Variants in CAMKMT observed in about 807,000 individuals in gnomAD.
CAMKMT encodes CaM KMT.
In CAMKMT, 53 loss-of-function variants were observed where a neutral mutation model predicts 48.0. The ratio of observed to expected loss-of-function variants is 1.10; its 90% confidence interval spans 0.89 to 1.39. The LOEUF (loss-of-function observed/expected upper bound fraction) is 1.39, where lower values mean the gene tolerates loss of function less well. Among genes scored for constraint, CAMKMT ranks in the 40% most tolerant of loss-of-function variants. The pLI, the probability that CAMKMT is intolerant of heterozygous loss-of-function variation, is 0.00. For missense variants in CAMKMT, 428 were observed against 402.7 expected, an observed-to-expected ratio of 1.06 and a Z score of -0.54; for synonymous variants, 165 against 152.3, an observed-to-expected ratio of 1.08 and a Z score of -0.61.
At chr2:44,427,737 C>T (rs993869007) in intron 3 of CAMKMT, among the ~76,000 whole-genome samples, 1 of 152,138 alleles carries the variant, frequency 6.6e-6, no homozygotes, top group Non-Finnish European at 1.5e-5. Context: ...AAAACAGCTG[C>T]TACAAAATAT....
intron 3 of CAMKMT, among the ~76,000 whole-genome samples, chr2:44,579,287 T>C (rs1669410197): frequency 6.6e-6 from 1 of 152,124 alleles, no homozygotes; most frequent in South Asian, 2.1e-4. Context: ...ATTTTGCTCA[T>C]GTCAGGTATT....
rs770767281 is a variant in CAMKMT, at chr2:44,362,058, G to A, written c.51G>A (p.Ala17=). 18 of 1,440,350 alleles carry A rather than the reference G, an allele frequency of 1.2e-5. 1 individual carries two copies. Among genetic ancestry groups the A allele is most frequent in the African/African-American group, 1.1e-4 (7 of 66,178 alleles). The allele number at this position is 1,440,350 out of a possible 1,614,324, so 89.2% of individuals were successfully genotyped here. Residue 17 remains alanine, a synonymous_variant, in exon 1 of 11, where the codon GCG becomes GCA. Transcript: ENST00000378494. ...DAGTGETARA[A]GGSPAVGCTT... ...GGACCGGCGAGACCGCGCGAGCAGC[G>A]GGCGGGAGTCCGGCAGTTGGCTGCA...
intron 8 of CAMKMT, among the ~76,000 whole-genome samples, chr2:44,744,380 A>T (rs1679837154): frequency 6.6e-6 from 1 of 152,206 alleles, no homozygotes; most frequent in Admixed American, 6.5e-5. Flanking sequence ...TTATTTGTTA[A>T]TGAAAGTCTG....
intron 7 of CAMKMT, among the ~76,000 whole-genome samples, chr2:44,715,840 C>A (rs573920754): frequency 6.6e-6 from 1 of 152,218 alleles, no homozygotes; most frequent in South Asian, 2.1e-4. Context: ...CTTAGGACAC[C>A]CCCGTACAAC....
At chr2:44,704,876 C>T (rs138575689) in intron 4 of CAMKMT, among the ~76,000 whole-genome samples, 14 of 150,084 alleles carry the variant, frequency 9.3e-5, no homozygotes, top group Non-Finnish European at 1.5e-4. Context: ...ATTCATGCTA[C>T]GGAAATAAGT....
chr2:44,548,502 C>T (rs1472716876), intron 3 of CAMKMT, among the ~76,000 whole-genome samples: 2 of 152,174 alleles, frequency 1.3e-5, no homozygotes, highest in Admixed American at 6.5e-5. Flanking sequence ...CACACCCTCT[C>T]CCAGGTATTT....
At chr2:44,538,124 C>G (rs1474198044) in intron 3 of CAMKMT, among the ~76,000 whole-genome samples, 35 of 152,048 alleles carry the variant, frequency 2.3e-4, no homozygotes, top group Admixed American at 2.3e-3. Flanking sequence ...AATCCCAGCA[C>G]TTTGGGAGAC....
rs373654593 is a variant in CAMKMT at position 44,362,585 on chromosome 2, C to G, written c.138+440C>G. 8.5e-5 allele frequency among the ~76,000 whole-genome samples: 13 copies of G among 152,308 alleles called. No individual in the cohort carries two copies. The East Asian group carries it at 9.6e-4, about 11-fold the overall frequency. ...GCACCCTCTGGCCCCGTCTTTTGCCCAGCGTGGTTGACTATGCCGGGACTG... is the reference window on the plus strand; with the variant it reads ...GCACCCTCTGGCCCCGTCTTTTGCCGAGCGTGGTTGACTATGCCGGGACTG... On this transcript the variant is annotated intron_variant, in intron 1 of 10. Coordinates refer to ENST00000378494, the MANE Select transcript of CAMKMT (RefSeq NM_024766.5).
At chr2:44,638,674 G>A (rs1478734607) in intron 3 of CAMKMT, among the ~76,000 whole-genome samples, 2 of 152,164 alleles carry the variant, frequency 1.3e-5, no homozygotes, top group African/African-American at 4.8e-5. Flanking sequence ...AAATTACATG[G>A]TATTTTGGCC....
chr2:44,666,236 G>T (rs956442372), intron 3 of CAMKMT, among the ~76,000 whole-genome samples: 3 of 152,180 alleles, frequency 2.0e-5, no homozygotes, highest in African/African-American at 7.2e-5. Context: ...GAAAGTAGTG[G>T]TTCTGAGCAA....
intron 3 of CAMKMT, among the ~76,000 whole-genome samples, chr2:44,684,410 C>T (rs1159755752): frequency 5.9e-5 from 9 of 151,842 alleles, no homozygotes; most frequent in Admixed American, 2.0e-4. Flanking sequence ...AAACCTTTCT[C>T]GAGGAGTTGT....
At chr2:44,534,756 A>G (rs1268712263) in intron 3 of CAMKMT, among the ~76,000 whole-genome samples, 2 of 152,182 alleles carry the variant, frequency 1.3e-5, no homozygotes, top group African/African-American at 4.8e-5. Context: ...ATAGCATTCA[A>G]TGCCTACATC....
intron 3 of CAMKMT, among the ~76,000 whole-genome samples, chr2:44,490,124 T>C (rs1431806192): frequency 1.3e-5 from 2 of 152,194 alleles, no homozygotes; most frequent in Non-Finnish European, 2.9e-5. Context: ...CAAAAATCCT[T>C]TTCCACACAG....
At chr2:44,669,632 G>T (rs1299170190) in intron 3 of CAMKMT, among the ~76,000 whole-genome samples, 4 of 149,322 alleles carry the variant, frequency 2.7e-5, no homozygotes, top group African/African-American at 9.8e-5. Flanking sequence ...TCTCATTATG[G>T]TTTTTTTTTT....
chr2:44,501,040 T>A (rs1406216599), intron 3 of CAMKMT, among the ~76,000 whole-genome samples: 1 of 151,240 alleles, frequency 6.6e-6, no homozygotes, highest in Non-Finnish European at 1.5e-5. Flanking sequence ...TTTCTTAGCT[T>A]TTTTTTTAAC....
At chr2:44,364,847 G>C (rs1678423588) in intron 1 of CAMKMT, among the ~76,000 whole-genome samples, 2 of 152,220 alleles carry the variant, frequency 1.3e-5, no homozygotes, top group South Asian at 4.2e-4. Context: ...TCCTCATGGT[G>C]ATAGCAGAGG....
rs183618309 is a variant in CAMKMT, at chr2:44,624,130, A to G, written c.377-80153A>G. Among the ~76,000 whole-genome samples, 270 of 152,322 alleles carry G rather than the reference A, an allele frequency of 1.8e-3. 6 individuals are homozygous for G. Among genetic ancestry groups the G allele is most frequent in the Non-Finnish European group, 2.0e-3 (137 of 68,038 alleles). On this transcript the variant is annotated intron_variant, in intron 3 of 10. Transcript: ENST00000378494. ...AGTAAACACCATCAGCAGAGTAAGC[A>G]GCCTACAGAATGGGAGAAAAATGAA... is the stretch of plus-strand genomic sequence containing the variant.
intron 3 of CAMKMT, among the ~76,000 whole-genome samples, chr2:44,610,298 A>G (rs1241094416): frequency 6.6e-6 from 1 of 152,218 alleles, no homozygotes; most frequent in African/African-American, 2.4e-5. Context: ...GAGTTAAATA[A>G]AAATGAAAGA....
intron 3 of CAMKMT, among the ~76,000 whole-genome samples, chr2:44,411,310 T>A (rs1683189509): frequency 6.6e-6 from 1 of 152,216 alleles, no homozygotes; most frequent in Admixed American, 6.5e-5. Context: ...AGTACTAGGC[T>A]AAGCACTGGG....
Sources: gnomAD v4.1 joint callset for allele counts (sites outside exome capture counted in the v4.1 genomes callset) on GRCh38, gnomAD v4.1.1 for gene constraint, MANE v1.5 for transcripts, NCBI Gene and HGNC (gene_info 2026-07-23, HGNC 2026-07-21) for gene names.